MCU: variants seen among roughly 807,000 people sequenced by gnomAD.
MCU encodes the protein calcium uniporter protein, mitochondrial.
A neutral mutation model predicts 45.2 loss-of-function variants in MCU; 12 were observed. The observed-to-expected ratio is 0.27, with a 90% CI of 0.17 to 0.43. The LOEUF is 0.43. Ranked by LOEUF, MCU falls within the 20% of genes least tolerant of loss-of-function variation. The pLI, the probability that MCU is intolerant of heterozygous loss-of-function variation, is 1.00. For missense variants in MCU, 324 were observed against 436.7 expected (o/e 0.74, Z 2.30); for synonymous variants, 160 against 165.1 (o/e 0.97, Z 0.24).
intron 1 of MCU, among the ~76,000 whole-genome samples, chr10:72,822,746 C>T (rs917289140): frequency 2.6e-5 from 4 of 151,844 alleles, no homozygotes; most frequent in African/African-American, 4.8e-5. Flanking sequence ...AGGCCAAGGC[C>T]GGAGGATTGC....
intron 1 of MCU, among the ~76,000 whole-genome samples, chr10:72,726,289 T>A (rs1255333251): frequency 7.6e-6 from 1 of 130,806 alleles, no homozygotes; most frequent in Admixed American, 7.3e-5. Context: ...GTGTGTGTAG[T>A]TCGTTCTGTA....
At chr10:72,707,130 G>A (rs1325708057) in intron 1 of MCU, among the ~76,000 whole-genome samples, 2 of 151,624 alleles carry the variant, frequency 1.3e-5, no homozygotes, top group Non-Finnish European at 2.9e-5. Flanking sequence ...ACACCTGGGC[G>A]GACTGCAATA....
At chr10:72,824,560 T>C (rs1199389005) in intron 1 of MCU, among the ~76,000 whole-genome samples, 1 of 152,158 alleles carries the variant, frequency 6.6e-6, no homozygotes, top group Non-Finnish European at 1.5e-5. Context: ...AAGACAGTTA[T>C]GTTAGAAATG....
intron 4 of MCU, chr10:72,861,740 A>T: frequency 2.9e-6 from 1 of 347,536 alleles, no homozygotes; most frequent in South Asian, 2.1e-5. Context: ...CAAGTTATCT[A>T]CCTGCCTCAG....
chr10:72,805,887 G>A (rs962165932), intron 1 of MCU, among the ~76,000 whole-genome samples: 1 of 152,296 alleles, frequency 6.6e-6, no homozygotes, highest in Non-Finnish European at 1.5e-5. Flanking sequence ...AACTTTAAGA[G>A]CATTTCATAA....
At chr10:72,758,138 T>G (rs1476174366) in intron 1 of MCU, among the ~76,000 whole-genome samples, 1 of 152,146 alleles carries the variant, frequency 6.6e-6, no homozygotes, top group Non-Finnish European at 1.5e-5. Flanking sequence ...ATTTATATCT[T>G]TAGGTAGAAA....
At chr10:72,753,617 G>A (rs1843532470) in intron 1 of MCU, among the ~76,000 whole-genome samples, 2 of 152,178 alleles carry the variant, frequency 1.3e-5, no homozygotes. Context: ...GCTTATGCCT[G>A]TAGTCCCAGA....
At chr10:72,821,636 A>T (rs1034556442) in intron 1 of MCU, among the ~76,000 whole-genome samples, 2 of 152,170 alleles carry the variant, frequency 1.3e-5, no homozygotes, top group African/African-American at 4.8e-5. Context: ...AAAGTTCCTC[A>T]CAACAATTTC....
chr10:72,865,980 T>G (rs969686609), intron 4 of MCU, among the ~76,000 whole-genome samples: 2 of 152,136 alleles, frequency 1.3e-5, no homozygotes, highest in Non-Finnish European at 2.9e-5. Flanking sequence ...GGTTTCACCA[T>G]GTTAGCCAGA....
At chr10:72,855,649 G>A (rs1403036562) in intron 2 of MCU, among the ~76,000 whole-genome samples, 1 of 152,106 alleles carries the variant, frequency 6.6e-6, no homozygotes, top group Non-Finnish European at 1.5e-5. Flanking sequence ...GAGATTAAAA[G>A]ATAGTAAATC....
rs567618424 is a variant in MCU at position 72,790,284 on chromosome 10, A to G, written c.151-44075A>G. Among the ~76,000 whole-genome samples the G allele has an allele frequency of 1.2e-4, 18 of 152,282 alleles. No homozygotes were observed. The South Asian group carries it at 1.4e-3, about 12-fold the overall frequency. ...AAACACATTCCCTGAATCTGTACCC[A>G]CTGAATGTTGGAATTTGCTATAGAA... On this transcript the variant is annotated intron_variant, in intron 1 of 7. Coordinates refer to ENST00000373053, the MANE Select transcript of MCU (RefSeq NM_138357.3).
chr10:72,793,311 G>T (rs1272841632), intron 1 of MCU, among the ~76,000 whole-genome samples: 1 of 152,134 alleles, frequency 6.6e-6, no homozygotes, highest in Non-Finnish European at 1.5e-5. Flanking sequence ...GCCAGATATT[G>T]AAACCACTTA....
rs1040486245 is a variant in MCU, at chr10:72,820,091, A to G, written c.151-14268A>G. ...ATCATGCTAGAAGTAAGGATCCTGC[A>G]TCAATGGGAATGTGTCACAAAATAT... On this transcript the variant is annotated intron_variant, in intron 1 of 7. Coordinates refer to ENST00000373053, the MANE Select transcript of MCU (RefSeq NM_138357.3). Among the ~76,000 whole-genome samples the G allele has an allele frequency of 6.6e-5, 10 of 152,212 alleles. No homozygotes were observed. In the East Asian group the frequency reaches 1.9e-3, roughly 29 times the overall value.
chr10:72,724,852 C>T (rs946163961), intron 1 of MCU, among the ~76,000 whole-genome samples: 1 of 152,182 alleles, frequency 6.6e-6, no homozygotes, highest in African/African-American at 2.4e-5. Flanking sequence ...GAGATGCCAG[C>T]CTTTTCCCCA....
intron 2 of MCU, among the ~76,000 whole-genome samples, chr10:72,847,592 G>C (rs1201687579): frequency 6.6e-6 from 1 of 152,138 alleles, no homozygotes; most frequent in African/African-American, 2.4e-5. Flanking sequence ...TATCCTCCAT[G>C]TATAGGAGAT....
chr10:72,694,328 AAG>A (rs375057790), intron 1 of MCU, among the ~76,000 whole-genome samples: 3 of 152,184 alleles, frequency 2.0e-5, no homozygotes, highest in African/African-American at 7.2e-5. Context: ...AGGCCCTAAA[AAG>A]AGAGAGACTT....
At chr10:72,877,557 T>C (rs1181785311) in intron 6 of MCU, among the ~76,000 whole-genome samples, 1 of 152,142 alleles carries the variant, frequency 6.6e-6, no homozygotes, top group Non-Finnish European at 1.5e-5. Flanking sequence ...TGTGGCATAC[T>C]AGGCAATCAA....
chr10:72,751,341 CTTTTTTT>C (rs71021528), intron 1 of MCU, among the ~76,000 whole-genome samples: 54 of 44,748 alleles, frequency 1.2e-3, no homozygotes, highest in African/African-American at 4.1e-3. Context: ...TCTTCTTCTT[CTTTTTTT>C]TTTTTTTTTT....
intron 4 of MCU, among the ~76,000 whole-genome samples, chr10:72,864,369 G>C (rs1337156588): frequency 6.6e-6 from 1 of 152,172 alleles, no homozygotes; most frequent in African/African-American, 2.4e-5. Context: ...AAAGTGATAT[G>C]ACATTGCAAG....
Sources: allele counts gnomAD v4.1 joint callset (sites outside exome capture counted in the v4.1 genomes callset), GRCh38; gene constraint gnomAD v4.1.1; transcripts MANE v1.5; gene names NCBI Gene and HGNC (gene_info 2026-07-23, HGNC 2026-07-21).